The following TAF3 variants were observed in gnomAD, a reference collection of about 807,000 sequenced individuals.
TAF3 encodes transcription initiation factor TFIID subunit 3.
A neutral mutation model predicts 80.6 loss-of-function variants in TAF3; 7 were observed. The ratio of observed to expected loss-of-function variants is 0.09; its 90% CI spans 0.05 to 0.16. The LOEUF is 0.16. Among genes scored for constraint, TAF3 ranks in the 10% least tolerant of loss-of-function variants. TAF3 has a pLI of 1.00. For missense variants in TAF3, 921 were observed against 1,140.2 expected (o/e 0.81, Z 2.77); for synonymous variants, 444 against 446.1 (o/e 1.00, Z 0.06).
chr10:7,943,953 G>T (rs183503155), intron 2 of TAF3, among the ~76,000 whole-genome samples: 1 of 152,226 alleles, frequency 6.6e-6, no homozygotes, highest in Admixed American at 6.5e-5. Context: ...TTATAATAGG[G>T]TTCTTTATAC....
intron 2 of TAF3, among the ~76,000 whole-genome samples, chr10:7,876,093 A>G (rs998273556): frequency 6.6e-6 from 1 of 151,994 alleles, no homozygotes; most frequent in Non-Finnish European, 1.5e-5. Flanking sequence ...TGTCTGTATA[A>G]TAAAGGGAGA....
At chr10:7,932,874 C>A (rs1345865038) in intron 2 of TAF3, among the ~76,000 whole-genome samples, 2 of 151,828 alleles carry the variant, frequency 1.3e-5, no homozygotes, top group Non-Finnish European at 2.9e-5. Context: ...GGACGGGGAT[C>A]TCAATATATT....
chr10:7,939,454 A>C (rs1006135257), intron 2 of TAF3, among the ~76,000 whole-genome samples: 1 of 152,176 alleles, frequency 6.6e-6, no homozygotes, highest in African/African-American at 2.4e-5. Context: ...AACATTTTAC[A>C]TGTAGAGTGT....
chr10:7,828,361 C>T (rs1244480), intron 2 of TAF3, among the ~76,000 whole-genome samples: 68,024 of 152,024 alleles, frequency 0.45, 15,400 homozygotes, highest in South Asian at 0.55. Flanking sequence ...TGTGATTATC[C>T]GCAGTGTGAA....
In TAF3 at chr10:7,996,389, G is replaced by A. The variant is rs114141153; in HGVS notation, c.2316-12689G>A. Among the ~76,000 whole-genome samples the A allele has an allele frequency of 4.0e-3, 615 of 152,310 alleles. 7 individuals are homozygous for A. Among genetic ancestry groups the A allele is most frequent in the African/African-American group, 0.014 (574 of 41,566 alleles). ...TTTATGACCTATCCTTGGAGGTGAC[G>A]TGGTTATTTTCACCATGTGCTGCCA... On this transcript the variant is annotated intron_variant, in intron 4 of 6. Coordinates refer to ENST00000344293, the MANE Select transcript of TAF3 (RefSeq NM_031923.4).
At chr10:7,971,752 T>C (rs190350675) in intron 3 of TAF3, among the ~76,000 whole-genome samples, 101 of 152,312 alleles carry the variant, frequency 6.6e-4, no homozygotes, top group Non-Finnish European at 1.2e-3. Flanking sequence ...ACTGCTGGTG[T>C]CCTGGAAAAA....
chr10:7,916,467 A>G (rs1412278802), intron 2 of TAF3, among the ~76,000 whole-genome samples: 1 of 152,212 alleles, frequency 6.6e-6, no homozygotes, highest in Non-Finnish European at 1.5e-5. Flanking sequence ...TTCTAAAAAT[A>G]TGTCAGTGTA....
At chr10:7,851,757 A>G (rs1422927292) in intron 2 of TAF3, among the ~76,000 whole-genome samples, 8 of 152,258 alleles carry the variant, frequency 5.3e-5, no homozygotes, top group African/African-American at 1.9e-4. Context: ...CGGTAGTATT[A>G]TCACACCCTT....
At chr10:7,845,857 T>A (rs2131120114) in intron 2 of TAF3, among the ~76,000 whole-genome samples, 1 of 152,336 alleles carries the variant, frequency 6.6e-6, no homozygotes, top group South Asian at 2.1e-4. Context: ...TTTTTATTTC[T>A]ATTTGTTTCT....
At chr10:7,936,767 T>C (rs986646205) in intron 2 of TAF3, among the ~76,000 whole-genome samples, 1 of 152,170 alleles carries the variant, frequency 6.6e-6, no homozygotes. Flanking sequence ...TATAAAGACA[T>C]GTATCTACCA....
At chr10:7,983,851 T>C (rs926101861) in intron 4 of TAF3, among the ~76,000 whole-genome samples, 3 of 151,708 alleles carry the variant, frequency 2.0e-5, no homozygotes, top group Non-Finnish European at 4.4e-5. Context: ...AAACAATAAA[T>C]AAATAAATAA....
At chr10:7,874,678 A>G (rs2131148854) in intron 2 of TAF3, among the ~76,000 whole-genome samples, 1 of 149,652 alleles carries the variant, frequency 6.7e-6, no homozygotes, top group African/African-American at 2.4e-5. Context: ...ATGGACTCTA[A>G]CAGATATGTT....
chr10:7,870,255 C>CTCATCAG (rs2131144590), intron 2 of TAF3, among the ~76,000 whole-genome samples: 1 of 152,298 alleles, frequency 6.6e-6, no homozygotes, highest in South Asian at 2.1e-4. Flanking sequence ...GCATGAAATT[C>CTCATCAG]TCATCAGTCA....
At chr10:7,864,891 C>G (rs967753831) in intron 2 of TAF3, among the ~76,000 whole-genome samples, 8 of 151,744 alleles carry the variant, frequency 5.3e-5, no homozygotes, top group Non-Finnish European at 7.4e-5. Context: ...CCTAAGATCA[C>G]AAAGGTTTTT....
At chr10:7,845,537 C>T (rs564937640) in intron 2 of TAF3, among the ~76,000 whole-genome samples, 15 of 152,184 alleles carry the variant, frequency 9.9e-5, no homozygotes, top group Admixed American at 2.0e-4. Flanking sequence ...TATGTGGAAG[C>T]GAGAATGTGT....
In TAF3 at chr10:7,950,385, A is replaced by G. The variant is rs542266624; in HGVS notation, c.410-13535A>G. On this transcript the variant is annotated intron_variant, in intron 2 of 6. Transcript: ENST00000344293. ...GCACCTTCCAGAAGTTCGGAGAATA[A>G]TTGTGTGTCTCGAGCAGAAAGTTCC... 5.3e-5 allele frequency among the ~76,000 whole-genome samples: 8 copies of G among 152,110 alleles called. No homozygotes were observed. The Middle Eastern group carries it at 0.014, about 259-fold the overall frequency.
At chr10:7,980,284 G>C (rs931654448) in intron 4 of TAF3, among the ~76,000 whole-genome samples, 1 of 152,236 alleles carries the variant, frequency 6.6e-6, no homozygotes, top group Non-Finnish European at 1.5e-5. Flanking sequence ...CTAGTTGGAA[G>C]ATCTTTAAGA....
chr10:7,953,403 C>A (rs974562334), intron 2 of TAF3, among the ~76,000 whole-genome samples: 1 of 152,126 alleles, frequency 6.6e-6, no homozygotes, highest in Non-Finnish European at 1.5e-5. Flanking sequence ...CACACATGGC[C>A]AACTACATGT....
chr10:7,866,880 C>T (rs1344353627), intron 2 of TAF3, among the ~76,000 whole-genome samples: 1 of 152,150 alleles, frequency 6.6e-6, no homozygotes, highest in East Asian at 1.9e-4. Context: ...AAAGTAATCT[C>T]CCTGAAATGG....
Sources: gnomAD v4.1 joint callset for allele counts (sites outside exome capture counted in the v4.1 genomes callset) on GRCh38, gnomAD v4.1.1 for gene constraint, MANE v1.5 for transcripts, NCBI Gene and HGNC (gene_info 2026-07-23, HGNC 2026-07-21) for gene names.